Variants in HDGFL3 observed in about 807,000 individuals in gnomAD.
HDGFL3 encodes hepatoma-derived growth factor-related protein 3.
In HDGFL3, 6 loss-of-function variants were observed where a neutral mutation model predicts 27.6. The observed-to-expected ratio is 0.22, with a 90% CI of 0.12 to 0.43. HDGFL3 has a LOEUF of 0.43. Ranked by LOEUF, HDGFL3 falls within the 20% of genes least tolerant of loss-of-function variation. The pLI is 1.00. For synonymous variants in HDGFL3, 88 were observed against 88.9 expected (o/e 0.99, Z 0.05); for missense variants, 207 against 250.1 (o/e 0.83, Z 1.16).
At chr15:83,196,633 G>T (rs994794716) in intron 1 of HDGFL3, among the ~76,000 whole-genome samples, 7 of 151,804 alleles carry the variant, frequency 4.6e-5, no homozygotes, top group Non-Finnish European at 8.8e-5. Flanking sequence ...AATTAAATAA[G>T]ACTTTATTTC....
intron 1 of HDGFL3, among the ~76,000 whole-genome samples, chr15:83,197,290 G>GTA (rs1383496655): frequency 6.6e-6 from 1 of 152,092 alleles, no homozygotes; most frequent in Non-Finnish European, 1.5e-5. Context: ...ATTTATAATA[G>GTA]TATAGTGGGT....
intron 5 of HDGFL3, among the ~76,000 whole-genome samples, chr15:83,143,623 C>T (rs1324702540): frequency 1.3e-5 from 2 of 152,040 alleles, no homozygotes; most frequent in Non-Finnish European, 2.9e-5. Flanking sequence ...GTCCTGAGAC[C>T]AAGAATAAAT....
intron 4 of HDGFL3, 63 bp downstream of exon 4, chr15:83,157,352 A>G (rs1334952860): frequency 4.7e-6 from 7 of 1,476,814 alleles, no homozygotes; most frequent in Non-Finnish European, 6.6e-6. Flanking sequence ...CATGGAAAAT[A>G]ATCTAAAAAT....
intron 1 of HDGFL3, among the ~76,000 whole-genome samples, chr15:83,170,169 G>A (rs2037228757): frequency 6.6e-6 from 1 of 152,036 alleles, no homozygotes; most frequent in African/African-American, 2.4e-5. Context: ...ATTCAATGCT[G>A]TTCCTATCAA....
intron 4 of HDGFL3, among the ~76,000 whole-genome samples, chr15:83,152,148 G>C (rs780850843): frequency 2.0e-5 from 3 of 152,256 alleles, no homozygotes; most frequent in Non-Finnish European, 4.4e-5. Flanking sequence ...CAAGCACGTT[G>C]CAAGTAAGAG....
rs1409981934 is a variant in HDGFL3, at chr15:83,128,838, T to C, written c.*10432A>G. On this transcript the variant is annotated 3_prime_UTR_variant, in exon 6 of 6. Coordinates refer to ENST00000299633, the MANE Select transcript of HDGFL3 (RefSeq NM_016073.4). ...TAGACCACCACTAAGTCCTTTTTTTTTTCTTTTAAAGAGACAGGGTCTTGC... is the reference window on the plus strand; with the variant it reads ...TAGACCACCACTAAGTCCTTTTTTTCTTCTTTTAAAGAGACAGGGTCTTGC... 1.3e-5 allele frequency: 2 copies of C among 152,176 alleles called. No homozygotes were observed. Among genetic ancestry groups the C allele is most frequent in the Non-Finnish European group, 2.9e-5 (2 of 68,056 alleles). 9.4% of individuals were successfully genotyped at this position (152,176 alleles called of 1,614,324 possible).
intron 1 of HDGFL3, among the ~76,000 whole-genome samples, chr15:83,190,937 A>T (rs1045683868): frequency 2.6e-5 from 4 of 152,202 alleles, no homozygotes; most frequent in African/African-American, 9.7e-5. Context: ...TGAATTAAGG[A>T]TCTAATTTCA....
chr15:83,166,482 A>G (rs914932057), intron 1 of HDGFL3, among the ~76,000 whole-genome samples: 2 of 152,226 alleles, frequency 1.3e-5, no homozygotes, highest in Non-Finnish European at 2.9e-5. Flanking sequence ...CGGAAACAAA[A>G]GAATAATACC....
Position 83,136,591 on chromosome 15 carries a change from T to C in HDGFL3, c.*2679A>G. 1.2e-6 allele frequency: 2 copies of C among 1,613,946 alleles called. No homozygotes were observed. Among genetic ancestry groups the C allele is most frequent in the Non-Finnish European group, 1.7e-6 (2 of 1,179,890 alleles). On this transcript the variant is annotated 3_prime_UTR_variant, in exon 6 of 6. Coordinates refer to ENST00000299633, the MANE Select transcript of HDGFL3 (RefSeq NM_016073.4). ...TAGCATTAAACATAGCATATGGAGT[T>C]CTTCCTCAGCTCTTGGCCTATCGTT...
At chr15:83,115,799 G>T in intron 3 of HDGFL3, 1 of 1,263,336 alleles carries the variant, frequency 7.9e-7, no homozygotes, top group Admixed American at 1.7e-5. Context: ...TGTAGTAATT[G>T]TCTCCTGAGC....
chr15:83,122,067 G>T, intron 3 of HDGFL3: 1 of 1,277,876 alleles, frequency 7.8e-7, no homozygotes, highest in South Asian at 1.3e-5. Context: ...TTTTTAAATA[G>T]AGAAGCTCTT....
intron 1 of HDGFL3, among the ~76,000 whole-genome samples, chr15:83,164,525 C>T (rs2037144676): frequency 6.6e-6 from 1 of 152,132 alleles, no homozygotes; most frequent in African/African-American, 2.4e-5. Context: ...AAGACATCAT[C>T]TCTTGCCTGG....
At chr15:83,182,118 T>C (rs2151416611) in intron 1 of HDGFL3, among the ~76,000 whole-genome samples, 1 of 152,342 alleles carries the variant, frequency 6.6e-6, no homozygotes, top group East Asian at 1.9e-4. Context: ...CCTTTTCTCA[T>C]AGTCTTTTTA....
chr15:83,146,008 T>G (rs2036886401), intron 5 of HDGFL3, among the ~76,000 whole-genome samples: 1 of 141,974 alleles, frequency 7.0e-6, no homozygotes, highest in Admixed American at 7.6e-5. Flanking sequence ...CCTCCCGGGT[T>G]CAAGCGATTT....
At chr15:83,182,540 A>G (rs2037393644) in intron 1 of HDGFL3, among the ~76,000 whole-genome samples, 1 of 152,204 alleles carries the variant, frequency 6.6e-6, no homozygotes, top group Non-Finnish European at 1.5e-5. Flanking sequence ...ATGAAAGAAG[A>G]CTTACACAAG....
At chr15:83,113,579 G>A (rs1383736022) in exon 4 of HDGFL3, 3 of 152,474 alleles carry the variant, frequency 2.0e-5, no homozygotes, top group African/African-American at 7.2e-5. Context: ...TGTAGTTTCT[G>A]CTTCAGTAAT....
chr15:83,182,506 T>C (rs1298224042), intron 1 of HDGFL3, among the ~76,000 whole-genome samples: 1 of 152,154 alleles, frequency 6.6e-6, no homozygotes, highest in Non-Finnish European at 1.5e-5. Context: ...ATAACATGAA[T>C]GAATCTTTAA....
At chr15:83,196,979 A>G (rs2037577696) in intron 1 of HDGFL3, among the ~76,000 whole-genome samples, 1 of 152,200 alleles carries the variant, frequency 6.6e-6, no homozygotes, top group South Asian at 2.1e-4. Flanking sequence ...GGGCATGCCC[A>G]CTCTTGTTAA....
chr15:83,150,206 A>T (rs1331714111), intron 5 of HDGFL3, among the ~76,000 whole-genome samples: 1 of 152,146 alleles, frequency 6.6e-6, no homozygotes, highest in Non-Finnish European at 1.5e-5. Flanking sequence ...AAATTGTTGG[A>T]GTTGTTGCTA....
Sources: allele counts gnomAD v4.1 joint callset (sites outside exome capture counted in the v4.1 genomes callset), GRCh38; gene constraint gnomAD v4.1.1; transcripts MANE v1.5; gene names NCBI Gene and HGNC (gene_info 2026-07-23, HGNC 2026-07-21).